The following FERRY3 variants were observed in gnomAD, a reference collection of about 807,000 sequenced individuals.
FERRY3 encodes the protein protein C12orf4.
the FERRY3 span, among the ~76,000 whole-genome samples, chr12:4,527,364 T>C: frequency 6.6e-6 from 1 of 152,118 alleles, no homozygotes; most frequent in Non-Finnish European, 1.5e-5. Context: ...ATTTTTTCTA[T>C]GATTAAGATA....
the FERRY3 span, among the ~76,000 whole-genome samples, chr12:4,498,995 T>C: frequency 6.6e-6 from 1 of 152,242 alleles, no homozygotes; most frequent in African/African-American, 2.4e-5. Flanking sequence ...AGCCCTGTTA[T>C]ACAGGATATG....
At chr12:4,513,635 C>A in the FERRY3 span, among the ~76,000 whole-genome samples, 2 of 152,058 alleles carry the variant, frequency 1.3e-5, no homozygotes, top group African/African-American at 4.8e-5. Flanking sequence ...GAAAAACAAG[C>A]AATGGGGAAA....
chr12:4,502,000 C>T, the FERRY3 span, among the ~76,000 whole-genome samples: 2 of 152,184 alleles, frequency 1.3e-5, no homozygotes. Flanking sequence ...GTTCTTCAAA[C>T]ATGCAGAGCT....
the FERRY3 span, chr12:4,525,613 T>C: frequency 6.7e-7 from 1 of 1,491,792 alleles, no homozygotes; most frequent in Admixed American, 1.8e-5. Context: ...ATCAGGGATA[T>C]TCATCAAACT....
chr12:4,517,613 T>C, the FERRY3 span, among the ~76,000 whole-genome samples: 137 of 149,096 alleles, frequency 9.2e-4, no homozygotes, highest in African/African-American at 2.0e-3. Flanking sequence ...TTAGAAATAA[T>C]CATAAAAAGT....
At chr12:4,513,380 T>C in the FERRY3 span, among the ~76,000 whole-genome samples, 1 of 152,038 alleles carries the variant, frequency 6.6e-6, no homozygotes, top group Non-Finnish European at 1.5e-5. Context: ...CTTCACAGAA[T>C]TGGAAAAAAC....
the FERRY3 span, among the ~76,000 whole-genome samples, chr12:4,492,336 T>C: frequency 6.6e-6 from 1 of 152,186 alleles, no homozygotes; most frequent in Admixed American, 6.5e-5. Context: ...ATTCAATCTG[T>C]TATATTATCA....
the FERRY3 span, chr12:4,518,261 G>A: frequency 1.2e-6 from 2 of 1,613,166 alleles, no homozygotes; most frequent in Middle Eastern, 1.6e-4. Context: ...GGCTCCTGGG[G>A]GTAGGCAATA....
the FERRY3 span, chr12:4,518,341 TC>T: frequency 8.4e-7 from 1 of 1,194,356 alleles, no homozygotes; most frequent in Non-Finnish European, 1.2e-6. Flanking sequence ...ATGGCAAGAA[TC>T]CAGATAAATC....
the FERRY3 span, among the ~76,000 whole-genome samples, chr12:4,492,944 T>C: frequency 6.6e-6 from 1 of 152,170 alleles, no homozygotes; most frequent in Admixed American, 6.5e-5. Flanking sequence ...TTCATTCAAG[T>C]ATATCTGCTC....
the FERRY3 span, chr12:4,518,308 A>G: frequency 6.7e-7 from 1 of 1,501,878 alleles, no homozygotes; most frequent in Non-Finnish European, 9.2e-7. Flanking sequence ...CAGAAAGTCC[A>G]GTATAACAAG....
At chr12:4,526,868 C>T in the FERRY3 span, among the ~76,000 whole-genome samples, 2 of 150,974 alleles carry the variant, frequency 1.3e-5, no homozygotes, top group African/African-American at 4.9e-5. Context: ...TGAATTTATA[C>T]TTATTTATAA....
At chr12:4,500,276 C>T in the FERRY3 span, 1 of 1,613,982 alleles carries the variant, frequency 6.2e-7, no homozygotes, top group Admixed American at 1.7e-5. Context: ...CATGGTCATC[C>T]ACACAGAGAT....
chr12:4,508,312 C>T, the FERRY3 span, among the ~76,000 whole-genome samples: 38 of 152,240 alleles, frequency 2.5e-4, no homozygotes, highest in African/African-American at 8.7e-4. Flanking sequence ...TTTCTTTAAA[C>T]ACAGCAGGTG....
chr12:4,512,066 C>T, the FERRY3 span, among the ~76,000 whole-genome samples: 99 of 130,052 alleles, frequency 7.6e-4, no homozygotes, highest in Non-Finnish European at 9.7e-4. Flanking sequence ...ATATCACCAC[C>T]GATCCCACAG....
the FERRY3 span, among the ~76,000 whole-genome samples, chr12:4,526,381 A>C: frequency 6.6e-6 from 1 of 152,214 alleles, no homozygotes; most frequent in African/African-American, 2.4e-5. Flanking sequence ...TTATATTTTA[A>C]TAAATAAGTT....
chr12:4,517,706 T>TATATATAGAGAGAGAGAGAG, the FERRY3 span, among the ~76,000 whole-genome samples: 2 of 137,724 alleles, frequency 1.5e-5, no homozygotes, highest in African/African-American at 6.1e-5. Flanking sequence ...TATATATATA[T>TATATATAGAGAGAGAGAGAG]AGACAGAGAG....
chr12:4,504,316 C>G, the FERRY3 span, among the ~76,000 whole-genome samples: 1 of 152,162 alleles, frequency 6.6e-6, no homozygotes, highest in Non-Finnish European at 1.5e-5. Context: ...CAAGAGATGG[C>G]TATTTCTGAA....
the FERRY3 span, among the ~76,000 whole-genome samples, chr12:4,501,860 C>T: frequency 2.9e-4 from 44 of 152,234 alleles, no homozygotes; most frequent in South Asian, 8.3e-4. Flanking sequence ...TGAAACTGGT[C>T]CCTGGTGCTG....
Sources: allele counts gnomAD v4.1 joint callset (sites outside exome capture counted in the v4.1 genomes callset), GRCh38; gene constraint gnomAD v4.1.1; transcripts MANE v1.5; gene names NCBI Gene and HGNC (gene_info 2026-07-23, HGNC 2026-07-21).